Variants in CCL24 observed in about 807,000 individuals in gnomAD.
The protein encoded by CCL24 is C-C motif chemokine ligand 24.
A neutral mutation model predicts 8.6 loss-of-function variants in CCL24; 6 were observed. The observed-to-expected ratio is 0.70, with a 90% CI of 0.38 to 1.38. The LOEUF (loss-of-function observed/expected upper bound fraction) is 1.38, where lower values mean the gene tolerates loss of function less well. Ranked by LOEUF, CCL24 falls within the 40% of genes most tolerant of loss-of-function variation. The pLI is 0.02. For missense variants in CCL24, 126 were observed against 147.1 expected (o/e 0.86, Z 0.74); for synonymous variants, 59 against 52.7 (o/e 1.12, Z -0.52).
At chr7:75,812,178 A>G (rs1227895184) in intron 2 of CCL24, among the ~76,000 whole-genome samples, 3 of 151,808 alleles carry the variant, frequency 2.0e-5, no homozygotes, top group African/African-American at 7.3e-5. Context: ...TCAAATTCCC[A>G]GGCTCAAGCT....
chr7:75,819,303 AATATATATATATATATATATAT>A (rs71082353), intron 1 of CCL24, among the ~76,000 whole-genome samples: 92 of 17,092 alleles, frequency 5.4e-3, no homozygotes, highest in Non-Finnish European at 6.9e-3. Context: ...AAAAAAAAAA[AATATATATATATATATATATAT>A]ATATATATAT....
chr7:75,819,742 GA>G (rs140633751), intron 1 of CCL24, among the ~76,000 whole-genome samples: 2,510 of 151,598 alleles, frequency 0.017, 57 homozygotes, highest in African/African-American at 0.05. Context: ...AAGAAAGAAA[GA>G]AAAAAAATCC....
In CCL24 at chr7:75,811,803, G is replaced by A. The variant is rs1216609430; in HGVS notation, c.353C>T (p.Thr118Ile). Residue 118 changes from threonine (T) to isoleucine (I), a missense_variant, in exon 3 of 3, where the codon ACC (threonine) becomes ATC (isoleucine). Transcript: ENST00000222902. ...TGGAGGGCTGGGCGGGGATTAGCAG[G>A]TGGTTTGGTTGCCAGGATATCTCTG... ...PVQRYPGNQT[T>I]C 3 of 1,613,324 alleles carry A rather than the reference G, an allele frequency of 1.9e-6. No individual in the cohort carries two copies. The highest frequency in any genetic ancestry group is 1.7e-5 in the Admixed American group (1 of 59,898).
chr7:75,812,856 G>T lies in CCL24; in HGVS notation c.191+450C>A, dbSNP rs190109563. ...GAGGCATGAGAATTGCTTGAACCTG[G>T]GAGGCGGAGGTTGCAGTGAGCCAAG... On this transcript the variant is annotated intron_variant, in intron 2 of 2. Coordinates refer to ENST00000222902, the MANE Select transcript of CCL24 (RefSeq NM_002991.3). Among the ~76,000 whole-genome samples the T allele has an allele frequency of 1.5e-4, 23 of 152,192 alleles. No individual in the cohort carries two copies. In the East Asian group the frequency reaches 4.3e-3, roughly 28 times the overall value.
intron 1 of CCL24, 62 bp downstream of exon 1, chr7:75,813,581 T>G (rs2115781439): frequency 1.4e-6 from 2 of 1,474,764 alleles, no homozygotes; most frequent in Non-Finnish European, 1.9e-6. Flanking sequence ...TGGTCAGTCC[T>G]GCACCCCCCA....
intron 2 of CCL24, among the ~76,000 whole-genome samples, chr7:75,812,543 A>T (rs1803790641): frequency 6.6e-6 from 1 of 152,178 alleles, no homozygotes; most frequent in African/African-American, 2.4e-5. Flanking sequence ...GGGAACAATC[A>T]TCGCTACCCC....
intron 1 of CCL24, among the ~76,000 whole-genome samples, chr7:75,822,561 T>C (rs149405193): frequency 1.2e-4 from 19 of 152,278 alleles, no homozygotes; most frequent in African/African-American, 4.3e-4. Context: ...AGGCTGGGCA[T>C]GGTGACTCAC....
At chr7:75,813,121 T>C (rs1313177025) in intron 2 of CCL24, among the ~76,000 whole-genome samples, 185 bp downstream of exon 2, 4 of 151,740 alleles carry the variant, frequency 2.6e-5, no homozygotes, top group East Asian at 3.9e-4. Context: ...AAAAGAAAAA[T>C]GAAATTAAAA....
At chr7:75,820,019 C>CG (rs1585031474) in intron 1 of CCL24, among the ~76,000 whole-genome samples, 2 of 12,996 alleles carry the variant, frequency 1.5e-4, no homozygotes, top group East Asian at 1.7e-3. Context: ...TAGTAAACTA[C>CG]TTCTTCTTCT....
chr7:75,811,635 C>T lies in CCL24; in HGVS notation c.*161G>A. On this transcript the variant is annotated 3_prime_UTR_variant, in exon 3 of 3. Coordinates refer to ENST00000222902, the MANE Select transcript of CCL24 (RefSeq NM_002991.3). The stretch of plus-strand genomic sequence containing the variant: ...TGCTCAGCCCCCGGGAACCACATCA[C>T]CTGCTCCCTCGGGTTTTTCATAGAA... The T allele has an allele frequency of 1.6e-6, 1 of 625,030 alleles. No homozygotes were observed. The highest frequency in any genetic ancestry group is 2.3e-5 in the South Asian group (1 of 44,004). The allele number at this position is 625,030 out of a possible 1,614,324, so 38.7% of individuals were successfully genotyped here.
chr7:75,822,090 A>G (rs1259559739), intron 1 of CCL24, among the ~76,000 whole-genome samples: 1 of 152,074 alleles, frequency 6.6e-6, no homozygotes, highest in African/African-American at 2.4e-5. Context: ...TGACAGAGCC[A>G]GACTCCATCT....
At chr7:75,818,514 A>G (rs1803944047), upstream of CCL24, among the ~76,000 whole-genome samples, 1 of 151,640 alleles carries the variant, frequency 6.6e-6, no homozygotes, top group Non-Finnish European at 1.5e-5. Context: ...AATGGCTCAC[A>G]CATGTAATCC....
upstream of CCL24, among the ~76,000 whole-genome samples, chr7:75,816,825 G>A (rs1033366925): frequency 2.8e-5 from 4 of 141,286 alleles, no homozygotes; most frequent in East Asian, 2.1e-4. Flanking sequence ...GCCCCCCAAC[G>A]TGCTGGGATT....
At position 75,811,161 on chromosome 7, in the gene CCL24, T is replaced by A. The variant is rs1299961048; in HGVS notation, c.*635A>T. Among the ~76,000 whole-genome samples, 2 of 149,912 alleles carry A rather than the reference T, an allele frequency of 1.3e-5. No individual in the cohort carries two copies. Among genetic ancestry groups the A allele is most frequent in the Admixed American group, 6.7e-5 (1 of 15,010 alleles). On this transcript the variant is annotated 3_prime_UTR_variant, in exon 3 of 3. Transcript: ENST00000222902. ...TTCATTTCCTTTAAAAAAAAAAAAA[T>A]TATGATTTTTTTTTTTCAACATAAA...
intron 2 of CCL24, among the ~76,000 whole-genome samples, chr7:75,812,665 C>G (rs954730650): frequency 3.9e-5 from 6 of 152,144 alleles, no homozygotes; most frequent in African/African-American, 1.2e-4. Context: ...CCTGGTGGAT[C>G]ACGCCTGTAA....
At chr7:75,818,067 G>A (rs1803930493), upstream of CCL24, among the ~76,000 whole-genome samples, 1 of 151,458 alleles carries the variant, frequency 6.6e-6, no homozygotes. Flanking sequence ...TTAATCTCAA[G>A]TGATTCGCCC....
At chr7:75,816,995 G>C (rs1352505827), upstream of CCL24, among the ~76,000 whole-genome samples, 1 of 152,052 alleles carries the variant, frequency 6.6e-6, no homozygotes, top group Non-Finnish European at 1.5e-5. Context: ...ATCCTGAGTA[G>C]CTGGGACTAC....
intron 2 of CCL24, 109 bp from the exon 3 acceptor site, chr7:75,812,073 A>G (rs1585027267): frequency 1.2e-6 from 1 of 854,694 alleles, no homozygotes. Flanking sequence ...GCTTCCTTGC[A>G]AGTTGCTGAG....
At chr7:75,817,025 C>T (rs1479791768), upstream of CCL24, among the ~76,000 whole-genome samples, 2 of 151,946 alleles carry the variant, frequency 1.3e-5, no homozygotes, top group Non-Finnish European at 2.9e-5. Context: ...CCACCATGCC[C>T]AGCTAATTTT....
Sources: gnomAD v4.1 joint callset for allele counts (sites outside exome capture counted in the v4.1 genomes callset) on GRCh38, gnomAD v4.1.1 for gene constraint, MANE v1.5 for transcripts, NCBI Gene and HGNC (gene_info 2026-07-23, HGNC 2026-07-21) for gene names.